The following PHACTR1 variants were observed in gnomAD, a reference collection of about 807,000 sequenced individuals.
PHACTR1 encodes phosphatase and actin regulator 1.
In PHACTR1, 16 loss-of-function variants were observed where a neutral mutation model predicts 69.2. That is an observed-to-expected ratio of 0.23 (90% CI 0.16 to 0.35). The LOEUF is 0.35. Ranked by LOEUF, PHACTR1 falls within the 10% of genes least tolerant of loss-of-function variation. PHACTR1 has a pLI of 1.00. For missense variants in PHACTR1, 510 were observed against 734.7 expected (o/e 0.69, Z 3.54); for synonymous variants, 312 against 284.5 (o/e 1.10, Z -0.97).
At chr6:12,829,912 T>C (rs9381427) in intron 4 of PHACTR1, among the ~76,000 whole-genome samples, 29,863 of 146,488 alleles carry the variant, frequency 0.2, 3,278 homozygotes, top group African/African-American at 0.29. Flanking sequence ...GAGCCAAGAT[T>C]GTGCCACTGC....
rs533330849 is a variant in PHACTR1 at position 13,182,609 on chromosome 6, A to T, written c.587A>T (p.Glu196Val). ...SSQLSLPALS[E>V]MEPVPMPRDP... is the part of the protein sequence containing the mutation. The stretch of plus-strand genomic sequence containing the variant: ...CAGCTGTCTCTGCCTGCCCTGTCCG[A>T]AATGGAGCCAGTCCCAATGCCCAGG... The change falls in exon 7 of 15, where the codon GAA (glutamate) becomes GTA (valine). Residue 196 changes from glutamate (E) to valine (V), a missense_variant. This residue lies in a region of PHACTR1 where 419 missense variants were observed against 530.9 expected (regional missense o/e 0.79). Transcript: ENST00000332995. The T allele has an allele frequency of 6.2e-7, 1 of 1,612,422 alleles. No individual in the cohort carries two copies. The highest frequency in any genetic ancestry group is 1.3e-5 in the African/African-American group (1 of 74,944).
At chr6:13,140,203 G>A (rs186665711) in intron 5 of PHACTR1, among the ~76,000 whole-genome samples, 28 of 152,306 alleles carry the variant, frequency 1.8e-4, no homozygotes, top group Non-Finnish European at 2.8e-4. Context: ...AAATGGTGCA[G>A]CTGCTCTGGA....
At chr6:12,846,726 C>CTTT (rs36120296) in intron 4 of PHACTR1, among the ~76,000 whole-genome samples, 35 of 143,638 alleles carry the variant, frequency 2.4e-4, no homozygotes, top group East Asian at 1.4e-3. Flanking sequence ...TTCTTTCGTC[C>CTTT]TTTTTTTTTT....
intron 4 of PHACTR1, among the ~76,000 whole-genome samples, chr6:12,915,152 CCA>C (rs898661270): frequency 1.3e-5 from 2 of 151,748 alleles, no homozygotes; most frequent in African/African-American, 2.4e-5. Flanking sequence ...CTTTGGATGT[CCA>C]CACACACACA....
At chr6:13,226,214 C>T (rs943362133) in intron 8 of PHACTR1, among the ~76,000 whole-genome samples, 7 of 152,038 alleles carry the variant, frequency 4.6e-5, no homozygotes, top group African/African-American at 1.7e-4. Context: ...CTAGATTTTT[C>T]CATTTGTGTC....
At chr6:13,099,988 T>G (rs1057254983) in intron 5 of PHACTR1, among the ~76,000 whole-genome samples, 2 of 152,160 alleles carry the variant, frequency 1.3e-5, no homozygotes, top group African/African-American at 2.4e-5. Flanking sequence ...TCAACAATAT[T>G]CAAACAAGCA....
intron 4 of PHACTR1, among the ~76,000 whole-genome samples, chr6:13,005,625 G>A (rs1378265266): frequency 6.6e-6 from 1 of 152,162 alleles, no homozygotes; most frequent in African/African-American, 2.4e-5. Context: ...GAAGCTCAGG[G>A]ATCACAGGAC....
At chr6:13,146,437 C>T (rs1272024667) in intron 5 of PHACTR1, among the ~76,000 whole-genome samples, 2 of 152,212 alleles carry the variant, frequency 1.3e-5, no homozygotes, top group Non-Finnish European at 2.9e-5. Flanking sequence ...CAATCTAACA[C>T]TGCTGTCTTT....
chr6:13,259,055 T>G (rs1482586780), intron 10 of PHACTR1, among the ~76,000 whole-genome samples: 1 of 152,182 alleles, frequency 6.6e-6, no homozygotes, highest in African/African-American at 2.4e-5. Context: ...GCACTGGACA[T>G]TTGTCTTTTA....
At chr6:13,050,955 CT>C (rs1383349234) in intron 4 of PHACTR1, among the ~76,000 whole-genome samples, 1 of 152,138 alleles carries the variant, frequency 6.6e-6, no homozygotes, top group Non-Finnish European at 1.5e-5. Flanking sequence ...TGTCATGCCC[CT>C]GCTTGAATCC....
At chr6:12,895,529 A>G (rs1359678311) in intron 4 of PHACTR1, among the ~76,000 whole-genome samples, 1 of 152,170 alleles carries the variant, frequency 6.6e-6, no homozygotes, top group African/African-American at 2.4e-5. Flanking sequence ...AAGCAAAGGT[A>G]GTGGAATTTG....
At chr6:13,182,845 A>C (rs970930138) in intron 7 of PHACTR1, among the ~76,000 whole-genome samples, 159 bp downstream of exon 7, 5 of 152,188 alleles carry the variant, frequency 3.3e-5, no homozygotes, top group Non-Finnish European at 7.3e-5. Context: ...GTACATACTG[A>C]GTATTTTTAA....
intron 11 of PHACTR1, 79 bp from the exon 12 acceptor site, chr6:13,278,189 G>GCC (rs1339441154): frequency 7.3e-7 from 1 of 1,370,192 alleles, no homozygotes; most frequent in Non-Finnish European, 1.0e-6. Context: ...TTGGCCTAGA[G>GCC]CCTGCCAAGG....
intron 4 of PHACTR1, among the ~76,000 whole-genome samples, chr6:12,899,420 C>T (rs1454383227): frequency 6.6e-6 from 1 of 152,182 alleles, no homozygotes; most frequent in East Asian, 1.9e-4. Flanking sequence ...TCAGACATAT[C>T]TGTATGTCAT....
intron 5 of PHACTR1, among the ~76,000 whole-genome samples, chr6:13,114,838 A>C (rs1027905724): frequency 4.6e-5 from 7 of 152,230 alleles, no homozygotes; most frequent in Non-Finnish European, 7.3e-5. Context: ...CCCTGGTTTA[A>C]AAGTTATAAA....
intron 10 of PHACTR1, among the ~76,000 whole-genome samples, chr6:13,256,596 T>C (rs2127409494): frequency 6.6e-6 from 1 of 152,362 alleles, no homozygotes; most frequent in South Asian, 2.1e-4. Context: ...ACATTTTGAA[T>C]TTGGCTGCTT....
At chr6:12,729,634 C>T (rs1218219401) in intron 3 of PHACTR1, among the ~76,000 whole-genome samples, 2 of 152,146 alleles carry the variant, frequency 1.3e-5, no homozygotes, top group Admixed American at 6.5e-5. Context: ...AATCCCAAAG[C>T]TGATACTGAA....
At chr6:12,907,665 G>C (rs951743835) in intron 4 of PHACTR1, among the ~76,000 whole-genome samples, 2 of 152,208 alleles carry the variant, frequency 1.3e-5, no homozygotes, top group African/African-American at 4.8e-5. Context: ...GAAGGAGTGG[G>C]TACTAATTCA....
Position 13,227,684 on chromosome 6 carries a change from A to G in PHACTR1, c.987-132A>G, listed in dbSNP as rs921656890. Reference sequence around the variant, plus strand: ...TAAAGTGATTCCCTGTAAGATGAGCAATGGAACTTTACTTGCCCAGTAGAC... The same window carrying G: ...TAAAGTGATTCCCTGTAAGATGAGCGATGGAACTTTACTTGCCCAGTAGAC... On this transcript the variant is annotated intron_variant, in intron 8 of 14. Transcript: ENST00000332995. 31 of 1,197,900 alleles carry G rather than the reference A, an allele frequency of 2.6e-5. No homozygotes were observed. In the African/African-American group the frequency reaches 4.1e-4, roughly 16 times the overall value. 74.2% of individuals were successfully genotyped at this position (1,197,900 alleles called of 1,614,324 possible). A position where few individuals can be genotyped will look rare whatever the true frequency, so the allele number is the denominator to read the frequency against.
Sources: gnomAD v4.1 joint callset for allele counts (sites outside exome capture counted in the v4.1 genomes callset) on GRCh38, gnomAD v4.1.1 for gene constraint, gnomAD v4.1.1 regional missense constraint, MANE v1.5 for transcripts, NCBI Gene and HGNC (gene_info 2026-07-23, HGNC 2026-07-21) for gene names.